The following COPZ2 variants were observed in gnomAD, a reference collection of about 807,000 sequenced individuals.
COPZ2 encodes the protein coat protein complex I subunit zeta 2.
Under a neutral mutation model 33.2 loss-of-function variants are expected in COPZ2, and 30 were observed. That is an observed-to-expected ratio of 0.90 (90% CI 0.68 to 1.23). The LOEUF (loss-of-function observed/expected upper bound fraction) is 1.23. Ranked by LOEUF, COPZ2 falls within the 50% of genes most tolerant of loss-of-function variation. The probability of loss-of-function intolerance (pLI) is 0.00; values close to 1 mark genes in which losing one functional copy is unlikely to be tolerated. For missense variants in COPZ2, 263 were observed against 262.4 expected (o/e 1.00, Z -0.02); for synonymous variants, 89 against 102.6 (o/e 0.87, Z 0.80).
chr17:48,041,087 G>A (rs1294539150), upstream of COPZ2, among the ~76,000 whole-genome samples: 1 of 148,660 alleles, frequency 6.7e-6, no homozygotes, highest in Non-Finnish European at 1.5e-5. Flanking sequence ...AGGAGGCAGA[G>A]GCTGTAGTGA....
intron 8 of COPZ2, among the ~76,000 whole-genome samples, chr17:48,026,845 G>A (rs1253077026): frequency 1.3e-5 from 2 of 152,236 alleles, no homozygotes; most frequent in African/African-American, 4.8e-5. Flanking sequence ...AGACGCCTCA[G>A]CAAACCCCTA....
Position 48,030,272 on chromosome 17 carries a change from G to A in COPZ2, c.495-1096C>T, listed in dbSNP as rs543433935. Among the ~76,000 whole-genome samples the A allele has an allele frequency of 5.1e-4, 76 of 148,050 alleles. 1 individual carries two copies. In the East Asian group the frequency reaches 0.012, roughly 24 times the overall value. On this transcript the variant is annotated intron_variant, in intron 6 of 8. Transcript: ENST00000621465. Reference sequence around the variant, plus strand: ...ACTGCACTCCAGCCTGGGCGACAGAGTGAGACTCCATCTCAAAACACACAC... The same window carrying A: ...ACTGCACTCCAGCCTGGGCGACAGAATGAGACTCCATCTCAAAACACACAC...
chr17:48,026,528 AT>A, intron 8 of COPZ2, 53 bp from the exon 9 acceptor site: 1 of 1,337,194 alleles, frequency 7.5e-7, no homozygotes, highest in Non-Finnish European at 1.1e-6. Context: ...AAATGCCTCC[AT>A]ACACAGTCAT....
At chr17:48,029,209 TCAGTGG>T in intron 6 of COPZ2, 33 bp from the exon 7 acceptor site, 1 of 1,553,318 alleles carries the variant, frequency 6.4e-7, no homozygotes, top group Non-Finnish European at 8.7e-7. Flanking sequence ...AGGAGGCAAA[TCAGTGG>T]CACAATCCTC....
At chr17:48,040,553 C>G (rs2037051927), upstream of COPZ2, among the ~76,000 whole-genome samples, 1 of 151,556 alleles carries the variant, frequency 6.6e-6, no homozygotes. Flanking sequence ...CTGCCTCAGC[C>G]TCCCGAGTAG....
At chr17:48,032,046 G>A (rs1472657331) in intron 6 of COPZ2, 110 bp downstream of exon 6, 1 of 814,576 alleles carries the variant, frequency 1.2e-6, no homozygotes, top group Middle Eastern at 2.2e-4. Context: ...ATATGCTGGG[G>A]GAAGGGAGTG....
At position 48,029,153 on chromosome 17, in the gene COPZ2, TG is replaced by T. The variant is rs1482162389; in HGVS notation, c.517del (p.Gln173SerfsTer3). The T allele has an allele frequency of 8.9e-6, 14 of 1,578,686 alleles. No individual in the cohort carries two copies. Among genetic ancestry groups the T allele is most frequent in the Admixed American group, 3.7e-5 (2 of 54,702 alleles). ...DGGVILESDP[Q>X]QVIQKVNFRA... ...AAAATTCACCTTCTGGATCACTTGC[TG>T]GGGGTCACTCTCCAGAATCACACTA... On this transcript the variant is annotated frameshift_variant, in exon 7 of 9. Transcript: ENST00000621465. LOFTEE classifies it high-confidence loss of function.
the COPZ2 span, chr17:48,048,051 A>G: frequency 1.3e-5 from 2 of 152,398 alleles, no homozygotes; most frequent in Non-Finnish European, 2.9e-5. Flanking sequence ...CAAGCCCACT[A>G]ACATCGCCCG....
In COPZ2 at chr17:48,029,192, A is replaced by G; in HGVS notation, c.495-16T>C. On this transcript the variant is annotated splice_polypyrimidine_tract_variant and intron_variant, in intron 6 of 8. Transcript: ENST00000621465. ...CAGAATCACACTACAAGATGAGAGGAAAAACCAGGAGGCAAATCAGTGGCA... is the reference window on the plus strand; with the variant it reads ...CAGAATCACACTACAAGATGAGAGGGAAAACCAGGAGGCAAATCAGTGGCA... 6.4e-7 allele frequency: 1 copy of G among 1,565,478 alleles called. No homozygotes were observed.
At position 48,033,890 on chromosome 17, in the gene COPZ2, C is replaced by T. The variant is rs2036938038; in HGVS notation, c.241G>A (p.Val81Ile). Residue 81 changes from valine (V) to isoleucine (I), a missense_variant, in exon 3 of 9, where the codon GTC (valine) becomes ATC (isoleucine). Physicochemically the swap from Val to Ile is conservative, Grantham distance 29 (BLOSUM62 3). Transcript: ENST00000621465. ...TCAGTCCGGCTGGTCTTGTTGAAGA[C>T]ATTTTTCTCGAAAACCATCTGCTCC... is the stretch of plus-strand genomic sequence containing the variant. ...MKEQMVFEKN[V>I]FNKTSRTESE... The T allele has an allele frequency of 6.2e-7, 1 of 1,611,612 alleles. No homozygotes were observed. The highest frequency in any genetic ancestry group is 1.3e-5 in the African/African-American group (1 of 74,858).
chr17:48,044,330 G>A, the COPZ2 span, among the ~76,000 whole-genome samples: 134 of 150,156 alleles, frequency 8.9e-4, 1 homozygote, highest in Middle Eastern at 0.031. Context: ...CTGGACCACA[G>A]AGCGACTCCA....
At chr17:48,033,741 A>T (rs2036935212) in intron 3 of COPZ2, 122 bp downstream of exon 3, 10 of 748,340 alleles carry the variant, frequency 1.3e-5, no homozygotes, top group Non-Finnish European at 2.3e-5. Flanking sequence ...AGAGGACAAA[A>T]AGCCTCTGAA....
the COPZ2 span, chr17:48,046,091 CG>C: frequency 1.3e-5 from 2 of 152,214 alleles, no homozygotes; most frequent in Non-Finnish European, 2.9e-5. Context: ...TTACTCTCTT[CG>C]GCCCTTGCAA....
chr17:48,033,786 T>C, intron 3 of COPZ2, 77 bp downstream of exon 3: 1 of 1,163,860 alleles, frequency 8.6e-7, no homozygotes, highest in Admixed American at 2.0e-5. Flanking sequence ...GCAAGGCTGA[T>C]GGGGACAGAT....
intron 6 of COPZ2, 50 bp from the exon 7 acceptor site, chr17:48,029,226 C>T (rs1478398352): frequency 2.7e-6 from 4 of 1,504,686 alleles, no homozygotes; most frequent in Non-Finnish European, 2.7e-6. Context: ...CACAATCCTC[C>T]CCTCCGCCCC....
chr17:48,039,391 G>A (rs117966871), upstream of COPZ2, among the ~76,000 whole-genome samples: 155 of 151,588 alleles, frequency 1.0e-3, 1 homozygote, highest in East Asian at 0.023. Context: ...AGAATCACCC[G>A]AGTCTGGGGG....
intron 8 of COPZ2, among the ~76,000 whole-genome samples, chr17:48,027,330 T>A (rs1355201761): frequency 1.3e-5 from 2 of 152,228 alleles, no homozygotes; most frequent in Middle Eastern, 3.2e-3. Context: ...ATTCAGCATG[T>A]GTTAACTGGC....
chr17:48,042,201 T>C (rs771623068), upstream of COPZ2, among the ~76,000 whole-genome samples: 3 of 152,234 alleles, frequency 2.0e-5, no homozygotes, highest in South Asian at 6.2e-4. Flanking sequence ...TGGGGTGATA[T>C]TGGCTCACTG....
the COPZ2 span, chr17:48,043,474 G>A: frequency 6.2e-5 from 60 of 970,708 alleles, no homozygotes; most frequent in Non-Finnish European, 7.2e-5. Flanking sequence ...GTCAAGAGGG[G>A]GAGGTGTGTG....
Sources: allele counts gnomAD v4.1 joint callset (sites outside exome capture counted in the v4.1 genomes callset), GRCh38; gene constraint gnomAD v4.1.1; transcripts MANE v1.5; gene names NCBI Gene and HGNC (gene_info 2026-07-23, HGNC 2026-07-21).